KDM3B: variants seen among roughly 807,000 people sequenced by gnomAD.
KDM3B encodes the protein lysine demethylase 3B, also known as lysine-specific demethylase 3B.
In KDM3B, 10 loss-of-function variants were observed where a neutral mutation model predicts 170.0. That is an observed-to-expected ratio of 0.06 (90% CI 0.04 to 0.10). The LOEUF (loss-of-function observed/expected upper bound fraction) is 0.10, where lower values mean the gene tolerates loss of function less well. Among genes scored for constraint, KDM3B ranks in the 10% least tolerant of loss-of-function variants. The pLI is 1.00. For synonymous variants in KDM3B, 831 were observed against 834.8 expected, an observed-to-expected ratio of 1.00 and a Z score of 0.08; for missense variants, 1,394 against 2,195.2, an observed-to-expected ratio of 0.64 and a Z score of 7.29.
At chr5:138,414,376 A>C (rs12655771) in intron 11 of KDM3B, among the ~76,000 whole-genome samples, 38,940 of 151,892 alleles carry the variant, frequency 0.26, 5,647 homozygotes, top group East Asian at 0.56. Flanking sequence ...CGTATTAGCC[A>C]GGATGGTCTC....
At chr5:138,403,163 G>A (rs1213519861) in intron 11 of KDM3B, among the ~76,000 whole-genome samples, 1 of 152,130 alleles carries the variant, frequency 6.6e-6, no homozygotes, top group Non-Finnish European at 1.5e-5. Context: ...AAACTGATTA[G>A]CAAGTTACAT....
chr5:138,418,351 A>G (rs1763161988), intron 13 of KDM3B, among the ~76,000 whole-genome samples: 1 of 152,086 alleles, frequency 6.6e-6, no homozygotes, highest in Non-Finnish European at 1.5e-5. Flanking sequence ...AGATTCTGAG[A>G]TTAGAGGCAT....
intron 7 of KDM3B, 31 bp from the exon 8 acceptor site, chr5:138,390,982 G>C (rs1419266986): frequency 1.3e-6 from 2 of 1,516,518 alleles, no homozygotes; most frequent in Non-Finnish European, 8.8e-7. Flanking sequence ...TGAGAAGCCA[G>C]CATCACTAAT....
rs1291134695 is a variant in KDM3B, at chr5:138,398,285, A to G, written c.2939A>G (p.Glu980Gly). Residue 980 changes from glutamate to glycine, a missense_variant, in exon 10 of 24, where the codon GAA (glutamate) becomes GGA (glycine). By Grantham distance (98) the Glu-to-Gly change is moderately conservative (BLOSUM62 -2). Around this residue, in one of 19 missense-constraint regions of KDM3B, gnomAD observed 76 missense variants for 190.2 expected, o/e 0.40. Coordinates refer to ENST00000314358, the MANE Select transcript of KDM3B (RefSeq NM_016604.4). ...TGGATTCCCTCTTCCTCCCTAGCAGAAGGGATAGATCTAGAGACCTCAAAA... is the reference window on the plus strand; with the variant it reads ...TGGATTCCCTCTTCCTCCCTAGCAGGAGGGATAGATCTAGAGACCTCAAAA... Reference protein sequence around the residue: ...NLWIPSSSLAEGIDLETSKYI... With the variant: ...NLWIPSSSLAGGIDLETSKYI... 1 of 1,614,010 alleles carries G rather than the reference A, an allele frequency of 6.2e-7. No homozygotes were observed. The highest frequency in any genetic ancestry group is 1.1e-5 in the South Asian group (1 of 91,092).
chr5:138,365,524 C>G (rs1047581987), intron 1 of KDM3B, among the ~76,000 whole-genome samples: 30 of 151,880 alleles, frequency 2.0e-4, no homozygotes, highest in Non-Finnish European at 3.2e-4. Context: ...TCCCAGAGTG[C>G]TGGGATTACG....
chr5:138,376,036 G>T (rs1166978237), intron 3 of KDM3B, among the ~76,000 whole-genome samples: 2 of 151,854 alleles, frequency 1.3e-5, no homozygotes, highest in Non-Finnish European at 2.9e-5. Context: ...GCGTGCAGTG[G>T]CTCCATCTCG....
intron 1 of KDM3B, among the ~76,000 whole-genome samples, chr5:138,369,293 T>C (rs994183296): frequency 6.6e-6 from 1 of 152,184 alleles, no homozygotes; most frequent in Non-Finnish European, 1.5e-5. Context: ...ATGGTAGCAC[T>C]TCTCTTCTCT....
At chr5:138,416,630 A>G (rs1376539705) in intron 12 of KDM3B, among the ~76,000 whole-genome samples, 1 of 151,650 alleles carries the variant, frequency 6.6e-6, no homozygotes, top group Non-Finnish European at 1.5e-5. Context: ...AAACCAAAGA[A>G]AACTTTGCTG....
intron 11 of KDM3B, among the ~76,000 whole-genome samples, chr5:138,401,286 A>AAC (rs1197679643): frequency 1.3e-5 from 2 of 151,344 alleles, no homozygotes; most frequent in East Asian, 3.9e-4. Flanking sequence ...AAAAAAAAAA[A>AAC]CCAAAACATA....
chr5:138,358,653 G>A (rs1761518960), intron 1 of KDM3B, among the ~76,000 whole-genome samples: 1 of 151,682 alleles, frequency 6.6e-6, no homozygotes, highest in Non-Finnish European at 1.5e-5. Context: ...GGAGTACAGT[G>A]GTGCAGTCAT....
chr5:138,420,855 G>A lies in KDM3B; in HGVS notation c.3865G>A (p.Glu1289Lys), dbSNP rs747273259. The change falls in exon 15 of 24, where the codon GAA becomes AAA. Residue 1289 changes from glutamate (E) to lysine (K), a missense_variant. Physicochemically the swap from Glu to Lys is moderately conservative, Grantham distance 56. Coordinates refer to ENST00000314358, the MANE Select transcript of KDM3B (RefSeq NM_016604.4). ...TCCCACTGCCTCCAACAACAAAACC[G>A]AAGGGTCTAGCCTTCGAGACCTCCT... ...LGPTASNNKT[E>K]GSSLRDLLHS... is the part of the protein sequence containing the mutation. 1.9e-6 allele frequency: 3 copies of A among 1,614,092 alleles called. No individual in the cohort carries two copies. The highest frequency in any genetic ancestry group is 2.2e-5 in the South Asian group (2 of 91,070).
rs1435461553 is a variant in KDM3B at position 138,420,770 on chromosome 5, C to T, written c.3780C>T (p.Phe1260=). 1.2e-6 allele frequency: 2 copies of T among 1,614,174 alleles called. No homozygotes were observed. The highest frequency in any genetic ancestry group is 2.2e-5 in the East Asian group (1 of 44,868). ...ESHSPFGLDS[F]NSTAKVSPLT... ...ATTCACCCTTTGGGCTGGACTCGTT[C>T]AACTCCACTGCAAAGGTCTCTCCGC... The change falls in exon 15 of 24, where the codon TTC becomes TTT. Residue 1260 remains phenylalanine, a synonymous_variant. Transcript: ENST00000314358.
At chr5:138,378,041 TTCTC>T (rs1561764654) in intron 4 of KDM3B, among the ~76,000 whole-genome samples, 1 of 152,170 alleles carries the variant, frequency 6.6e-6, no homozygotes, top group African/African-American at 2.4e-5. Context: ...AGAGATCTCA[TTCTC>T]TCTCCATCAC....
At chr5:138,353,721 G>A (rs946690368) in intron 1 of KDM3B, among the ~76,000 whole-genome samples, 3 of 152,126 alleles carry the variant, frequency 2.0e-5, no homozygotes, top group Non-Finnish European at 4.4e-5. Flanking sequence ...CCCAACCTTG[G>A]GAGAGGTTTT....
In KDM3B at chr5:138,398,398, TCA is replaced by T. The variant is rs775147844; in HGVS notation, c.3046+8_3046+9del. 1.6e-5 allele frequency: 26 copies of T among 1,611,228 alleles called. No homozygotes were observed. Among genetic ancestry groups the T allele is most frequent in the Non-Finnish European group, 1.7e-6 (2 of 1,178,496 alleles). On this transcript the variant is annotated splice_region_variant and intron_variant, in intron 10 of 23. Transcript: ENST00000314358. ...GATGATGGTGGAGCCACACCGTAAG[TCA>T]CCTTCTCACTTGTCTTCCAGGTGCT...
intron 7 of KDM3B, among the ~76,000 whole-genome samples, chr5:138,388,485 A>T (rs1157630654): frequency 6.6e-6 from 1 of 151,950 alleles, no homozygotes; most frequent in Non-Finnish European, 1.5e-5. Flanking sequence ...ACAAAAAATT[A>T]GCTGGGCGTG....
At chr5:138,420,214 G>C (rs72803883) in intron 14 of KDM3B, among the ~76,000 whole-genome samples, 6,332 of 152,272 alleles carry the variant, frequency 0.042, 179 homozygotes, top group South Asian at 0.11. Context: ...ACAAGCTTCT[G>C]AGATGGTTCT....
At chr5:138,379,756 A>G in intron 5 of KDM3B, 48 bp downstream of exon 5, 1 of 1,551,760 alleles carries the variant, frequency 6.4e-7, no homozygotes, top group Non-Finnish European at 8.7e-7. Flanking sequence ...CCCCTTAAAG[A>G]GGATGGTTTA....
At position 138,435,717 on chromosome 5, in the gene KDM3B, A is replaced by C; in HGVS notation, c.*17A>C. On this transcript the variant is annotated 3_prime_UTR_variant, in exon 24 of 24. Transcript: ENST00000314358. ...AGGTCCTAGGCATGGAGAAACTCCA[A>C]GCTCCTCTGTGAAGCAGGTCTTTCA... is the stretch of plus-strand genomic sequence containing the variant. 6.3e-7 allele frequency: 1 copy of C among 1,595,750 alleles called. No individual in the cohort carries two copies. Among genetic ancestry groups the C allele is most frequent in the South Asian group, 1.1e-5 (1 of 89,772 alleles).
Sources: allele counts gnomAD v4.1 joint callset (sites outside exome capture counted in the v4.1 genomes callset), GRCh38; gene constraint gnomAD v4.1.1; regional missense constraint gnomAD v4.1.1; transcripts MANE v1.5; gene names NCBI Gene and HGNC (gene_info 2026-07-23, HGNC 2026-07-21).